The following GNB1 variants were observed in gnomAD, a reference collection of about 807,000 sequenced individuals.
GNB1 encodes the protein G protein subunit beta 1, also known as guanine nucleotide-binding protein G(I)/G(S)/G(T) subunit beta-1.
A neutral mutation model predicts 42.9 loss-of-function variants in GNB1; 2 were observed. That is an observed-to-expected ratio of 0.05 (90% CI 0.02 to 0.15). The LOEUF (loss-of-function observed/expected upper bound fraction) is 0.15, where lower values mean the gene tolerates loss of function less well. Ranked by LOEUF, GNB1 falls within the 10% of genes least tolerant of loss-of-function variation. GNB1 has a pLI of 1.00. For missense variants in GNB1, 193 were observed against 462.2 expected (o/e 0.42, Z 5.34); for synonymous variants, 183 against 174.7 (o/e 1.05, Z -0.38).
chr1:1,827,160 A>G (rs1018630010), intron 2 of GNB1, among the ~76,000 whole-genome samples: 1 of 152,230 alleles, frequency 6.6e-6, no homozygotes, highest in Non-Finnish European at 1.5e-5. Flanking sequence ...CGATGACCTA[A>G]GAAGCTCAGC....
At chr1:1,889,261 T>A (rs1037453322) in intron 1 of GNB1, among the ~76,000 whole-genome samples, 1 of 136,584 alleles carries the variant, frequency 7.3e-6, no homozygotes, top group East Asian at 1.9e-4. Flanking sequence ...ATTTTCTTAA[T>A]TAATAATCTC....
intron 1 of GNB1, among the ~76,000 whole-genome samples, chr1:1,872,191 G>A (rs1167831584): frequency 6.6e-6 from 1 of 151,972 alleles, no homozygotes; most frequent in South Asian, 2.1e-4. Context: ...AGTAGAGACA[G>A]AGTCTTGAAC....
intron 1 of GNB1, among the ~76,000 whole-genome samples, chr1:1,843,282 C>A (rs552647049): frequency 6.6e-6 from 1 of 152,282 alleles, no homozygotes; most frequent in East Asian, 1.9e-4. Flanking sequence ...TACAGTGGCA[C>A]AATCATGGCT....
rs139080787 is a variant in GNB1 at position 1,889,318 on chromosome 1, CAGAT to C, written c.-96+1498_-96+1501del. On this transcript the variant is annotated intron_variant, in intron 1 of 11. Transcript: ENST00000378609. ...TAATACTATTTGAGACTAATGTTAT[CAGAT>C]AGATAGCAACATGAAAATACAATGA... 3.9e-5 allele frequency among the ~76,000 whole-genome samples: 6 copies of C among 152,256 alleles called. No homozygotes were observed. The East Asian group carries it at 5.8e-4, about 15-fold the overall frequency.
In GNB1 at chr1:1,787,250, G is replaced by T; in HGVS notation, c.*9+72C>A. ...CAACATTTATCTAGAAACCGTTAATGACAACTTCAAATGTTCTATGAGAAA... is the reference window on the plus strand; with the variant it reads ...CAACATTTATCTAGAAACCGTTAATTACAACTTCAAATGTTCTATGAGAAA... On this transcript the variant is annotated intron_variant, in intron 11 of 11. Coordinates refer to ENST00000378609, the MANE Select transcript of GNB1 (RefSeq NM_002074.5). This position sits in a 1 kb window ranked among gnomAD's most constrained non-coding sequence, Gnocchi z 4.4. The T allele has an allele frequency of 1.3e-6, 1 of 787,614 alleles. No homozygotes were observed. The highest frequency in any genetic ancestry group is 1.6e-5 in the South Asian group (1 of 63,474). The allele number at this position is 787,614 out of a possible 1,614,324, so 48.8% of individuals were successfully genotyped here.
chr1:1,801,566 T>G lies in GNB1; in HGVS notation c.430+2853A>C, dbSNP rs955262199. ...ACCGCGAGACATTGGGAATGTACAC[T>G]ATAATCCCTAAAGACACCACTAAGA... On this transcript the variant is annotated intron_variant, in intron 7 of 11. Coordinates refer to ENST00000378609, the MANE Select transcript of GNB1 (RefSeq NM_002074.5). Among the ~76,000 whole-genome samples the G allele has an allele frequency of 2.6e-5, 4 of 152,214 alleles. No individual in the cohort carries two copies. The East Asian group carries it at 7.7e-4, about 29-fold the overall frequency.
intron 5 of GNB1, among the ~76,000 whole-genome samples, chr1:1,810,962 C>G (rs1460093141): frequency 6.6e-6 from 1 of 151,334 alleles, no homozygotes; most frequent in African/African-American, 2.4e-5. Context: ...ACCACGGTGC[C>G]TGGCCTCTCA....
At chr1:1,875,164 C>T (rs1359995932) in intron 1 of GNB1, among the ~76,000 whole-genome samples, 1 of 151,952 alleles carries the variant, frequency 6.6e-6, no homozygotes, top group Non-Finnish European at 1.5e-5. Context: ...GAGTTGGGGG[C>T]CCATGCTTAG....
intron 1 of GNB1, among the ~76,000 whole-genome samples, chr1:1,858,929 T>C (rs748280320): frequency 9.2e-5 from 14 of 152,106 alleles, no homozygotes; most frequent in Non-Finnish European, 1.8e-4. Flanking sequence ...CGGAGTCCAA[T>C]CTGATTCTGA....
At chr1:1,797,470 G>A (rs886919554) in intron 7 of GNB1, among the ~76,000 whole-genome samples, 10 of 150,868 alleles carry the variant, frequency 6.6e-5, no homozygotes, top group African/African-American at 2.2e-4. Context: ...ATGGAGTCTC[G>A]CTCTGCCACC....
chr1:1,832,298 C>G (rs1013213708), intron 2 of GNB1: 2 of 152,168 alleles, frequency 1.3e-5, no homozygotes, highest in South Asian at 2.1e-4. Flanking sequence ...CACCCACCAC[C>G]AGGTTTCCCT....
At chr1:1,815,196 A>T (rs1299733079) in intron 5 of GNB1, among the ~76,000 whole-genome samples, 2 of 152,202 alleles carry the variant, frequency 1.3e-5, no homozygotes, top group African/African-American at 4.8e-5. Flanking sequence ...AACCAAAGGA[A>T]GGCAGGGCAG....
chr1:1,863,916 G>A (rs1648768783), intron 1 of GNB1, among the ~76,000 whole-genome samples: 1 of 152,208 alleles, frequency 6.6e-6, no homozygotes. Context: ...AAGAGGGTCT[G>A]GGCCAGGCAC....
intron 4 of GNB1, 117 bp from the exon 5 acceptor site, chr1:1,815,979 CCA>C: frequency 1.5e-6 from 1 of 676,896 alleles, no homozygotes; most frequent in South Asian, 1.7e-5. Flanking sequence ...CCAGCCCTTC[CCA>C]CAGTTCTCCA....
In GNB1 at chr1:1,787,116, G is replaced by A. The variant is rs1452673865; in HGVS notation, c.*10-63C>T. 2 of 448,226 alleles carry A rather than the reference G, an allele frequency of 4.5e-6. No individual in the cohort carries two copies. The highest frequency in any genetic ancestry group is 8.0e-6 in the Non-Finnish European group (2 of 248,870). 27.8% of individuals were successfully genotyped at this position (448,226 alleles called of 1,614,324 possible). ...CAGAGAATCTAAGTGCAGACGCACA[G>A]CCAGGTCACTGCTCTTCCCATCACT... is the stretch of plus-strand genomic sequence containing the variant. On this transcript the variant is annotated intron_variant, in intron 11 of 11. Coordinates refer to ENST00000378609, the MANE Select transcript of GNB1 (RefSeq NM_002074.5). This position sits in a 1 kb window ranked among gnomAD's most constrained non-coding sequence, Gnocchi z 4.4.
At chr1:1,846,132 C>T (rs1647652200) in intron 1 of GNB1, among the ~76,000 whole-genome samples, 1 of 151,002 alleles carries the variant, frequency 6.6e-6, no homozygotes, top group South Asian at 2.1e-4. Flanking sequence ...ATCTGAGGGT[C>T]AACATGACGA....
At chr1:1,789,314 A>G in intron 9 of GNB1, 45 bp from the exon 10 acceptor site, 1 of 1,108,554 alleles carries the variant, frequency 9.0e-7, no homozygotes, top group Non-Finnish European at 1.4e-6. Context: ...ACGCTCAGAA[A>G]GAAACATTGG....
At chr1:1,798,925 C>CTT (rs34414397) in intron 7 of GNB1, among the ~76,000 whole-genome samples, 14,664 of 141,594 alleles carry the variant, frequency 0.1, 1,391 homozygotes, top group East Asian at 0.29. Flanking sequence ...CACAAACACT[C>CTT]TTTTTTTTTT....
At chr1:1,860,331 T>C (rs1014585753) in intron 1 of GNB1, among the ~76,000 whole-genome samples, 6 of 152,138 alleles carry the variant, frequency 3.9e-5, no homozygotes, top group African/African-American at 1.4e-4. Context: ...TTGGGTACTA[T>C]GCTTAGTACC....
Sources: allele counts gnomAD v4.1 joint callset (sites outside exome capture counted in the v4.1 genomes callset), GRCh38; gene constraint gnomAD v4.1.1; non-coding constraint Gnocchi (gnomAD v3.1); transcripts MANE v1.5; gene names NCBI Gene and HGNC (gene_info 2026-07-23, HGNC 2026-07-21).